PPFIA2: variants seen among roughly 807,000 people sequenced by gnomAD.
The protein encoded by PPFIA2 is PPFI scaffold protein A2, also known as liprin-alpha-2.
A neutral mutation model predicts 175.5 loss-of-function variants in PPFIA2; 46 were observed. The observed-to-expected ratio is 0.26, with a 90% CI of 0.21 to 0.34. PPFIA2 has a LOEUF of 0.34. PPFIA2 is among the 10% of genes least tolerant of loss of function. The pLI is 1.00. For synonymous variants in PPFIA2, 568 were observed against 511.4 expected (o/e 1.11, Z -1.49); for missense variants, 1,179 against 1,506.1 (o/e 0.78, Z 3.60).
intron 4 of PPFIA2, among the ~76,000 whole-genome samples, chr12:81,479,985 A>G (rs1213595126): frequency 6.6e-6 from 1 of 152,262 alleles, no homozygotes; most frequent in East Asian, 1.9e-4. Context: ...TCTCCTGGAT[A>G]GTATCCTGAC....
intron 4 of PPFIA2, among the ~76,000 whole-genome samples, chr12:81,672,722 GA>G (rs1263569339): frequency 1.1e-4 from 16 of 152,082 alleles, no homozygotes; most frequent in Admixed American, 1.0e-3. Flanking sequence ...GGAAGAAACT[GA>G]ATACCTTCAG....
At chr12:81,524,060 C>A (rs567162756) in intron 4 of PPFIA2, among the ~76,000 whole-genome samples, 108 of 152,278 alleles carry the variant, frequency 7.1e-4, no homozygotes, top group Middle Eastern at 3.4e-3. Context: ...CTGCCCCCAG[C>A]AAAGCTGTGG....
intron 4 of PPFIA2, among the ~76,000 whole-genome samples, chr12:81,576,347 C>T (rs528069342): frequency 9.7e-4 from 147 of 151,842 alleles, no homozygotes; most frequent in Middle Eastern, 3.4e-3. Context: ...GCTGCACCAG[C>T]CTCACTTGCA....
In PPFIA2 at chr12:81,633,428, G is replaced by T. The variant is rs141487703; in HGVS notation, c.303+43363C>A. On this transcript the variant is annotated intron_variant, in intron 4 of 32. Coordinates refer to ENST00000549396, the MANE Select transcript of PPFIA2 (RefSeq NM_003625.5). ...CATTGTCCCCACCATTTAGTTGCTGGCAATGTTCTTGAGAGGCAGACATGC... is the reference window on the plus strand; with the variant it reads ...CATTGTCCCCACCATTTAGTTGCTGTCAATGTTCTTGAGAGGCAGACATGC... Among the ~76,000 whole-genome samples the T allele has an allele frequency of 2.6e-4, 40 of 152,058 alleles. 3 individuals carry two copies. The highest frequency in any genetic ancestry group is 9.4e-4 in the African/African-American group (39 of 41,530).
intron 4 of PPFIA2, among the ~76,000 whole-genome samples, chr12:81,477,405 G>A (rs572186077): frequency 6.6e-6 from 1 of 152,212 alleles, no homozygotes; most frequent in East Asian, 1.9e-4. Context: ...TTTACAAAAT[G>A]ATATATTCCA....
chr12:81,677,405 C>T lies in PPFIA2; in HGVS notation c.250-561G>A, dbSNP rs556717085. 2.6e-5 allele frequency among the ~76,000 whole-genome samples: 4 copies of T among 152,022 alleles called. No homozygotes were observed. In the East Asian group the frequency reaches 7.8e-4, roughly 30 times the overall value. ...ATATACAGTAAATTATTGTTAACAA[C>T]AGTCGCCCTATTGTGCTACTGAACA... is the stretch of plus-strand genomic sequence containing the variant. On this transcript the variant is annotated intron_variant, in intron 3 of 32. Transcript: ENST00000549396.
intron 3 of PPFIA2, among the ~76,000 whole-genome samples, chr12:81,679,343 T>C (rs1347582701): frequency 6.6e-6 from 1 of 151,944 alleles, no homozygotes; most frequent in African/African-American, 2.4e-5. Context: ...ATATAAGTTA[T>C]ATTAATGATA....
intron 4 of PPFIA2, chr12:81,535,572 G>C: frequency 2.4e-6 from 1 of 409,406 alleles, no homozygotes; most frequent in Non-Finnish European, 4.9e-6. Context: ...TGTCCTTCTA[G>C]ATACTACCTT....
chr12:81,701,693 C>T (rs993663785), intron 3 of PPFIA2, among the ~76,000 whole-genome samples: 8 of 151,672 alleles, frequency 5.3e-5, no homozygotes, highest in Non-Finnish European at 1.5e-5. Context: ...AGACATAGTG[C>T]TCAATAAATA....
chr12:81,430,198 T>C (rs1383375439), intron 7 of PPFIA2: 2 of 152,102 alleles, frequency 1.3e-5, no homozygotes, highest in Non-Finnish European at 2.9e-5. Flanking sequence ...TGTCCTTCAT[T>C]TGTGGCTTTG....
chr12:81,704,522 T>A (rs991564921), intron 3 of PPFIA2, among the ~76,000 whole-genome samples: 5 of 152,048 alleles, frequency 3.3e-5, no homozygotes, highest in African/African-American at 1.2e-4. Context: ...TGATAGCAAA[T>A]GAAACTTGTC....
At chr12:81,498,785 T>G (rs1408617288) in intron 4 of PPFIA2, among the ~76,000 whole-genome samples, 2 of 151,966 alleles carry the variant, frequency 1.3e-5, no homozygotes, top group African/African-American at 2.4e-5. Flanking sequence ...CCACCATGCT[T>G]GGATAATTTT....
At chr12:81,646,905 A>C (rs909529364) in intron 4 of PPFIA2, among the ~76,000 whole-genome samples, 21 of 151,376 alleles carry the variant, frequency 1.4e-4, no homozygotes, top group African/African-American at 4.4e-4. Context: ...AGGTGGGGGG[A>C]GGGAAGCAGG....
Position 81,471,107 on chromosome 12 carries a change from CTTTATTTATTTATTTATTTA to C in PPFIA2, c.304-13261_304-13242del, listed in dbSNP as rs71098146. The C allele has an allele frequency of 8.1e-3, 1,144 of 140,532 alleles. 15 individuals carry two copies. The highest frequency in any genetic ancestry group is 0.029 in the African/African-American group (1,101 of 37,792). 8.7% of individuals were successfully genotyped at this position (140,532 alleles called of 1,614,324 possible). A position where few individuals can be genotyped will look rare whatever the true frequency, so the allele number is the denominator to read the frequency against. On this transcript the variant is annotated intron_variant, in intron 4 of 32. Coordinates refer to ENST00000549396, the MANE Select transcript of PPFIA2 (RefSeq NM_003625.5). ...TTCATTCTTCATTTTTTTGTCTTTC[CTTTATTTATTTATTTATTTA>C]TTTATTTATTTATTTATTTATTTAT...
intron 3 of PPFIA2, among the ~76,000 whole-genome samples, chr12:81,716,264 C>T (rs2078604512): frequency 6.6e-6 from 1 of 151,578 alleles, no homozygotes; most frequent in Non-Finnish European, 1.5e-5. Context: ...CACTGTATTG[C>T]CTTATTTTCT....
intron 4 of PPFIA2, among the ~76,000 whole-genome samples, chr12:81,581,415 A>C (rs1010325583): frequency 6.6e-6 from 1 of 151,762 alleles, no homozygotes; most frequent in Non-Finnish European, 1.5e-5. Context: ...AGTGCATTCT[A>C]GTACAGAGAT....
chr12:81,406,703 C>T (rs1456173801), intron 7 of PPFIA2, among the ~76,000 whole-genome samples: 1 of 151,588 alleles, frequency 6.6e-6, no homozygotes, highest in African/African-American at 2.4e-5. Context: ...AAATATTTTA[C>T]ATTATATTAA....
intron 22 of PPFIA2, among the ~76,000 whole-genome samples, chr12:81,317,483 A>G (rs2052665328): frequency 6.9e-6 from 1 of 145,510 alleles, no homozygotes. Context: ...CTTGAGCTGG[A>G]AAGAAGAAAA....
chr12:81,423,963 A>G (rs576354216), intron 7 of PPFIA2, among the ~76,000 whole-genome samples: 4 of 152,248 alleles, frequency 2.6e-5, no homozygotes, highest in African/African-American at 9.6e-5. Context: ...ACAATATAAA[A>G]AGGAAATTAA....
Sources: allele counts gnomAD v4.1 joint callset (sites outside exome capture counted in the v4.1 genomes callset), GRCh38; gene constraint gnomAD v4.1.1; transcripts MANE v1.5; gene names NCBI Gene and HGNC (gene_info 2026-07-23, HGNC 2026-07-21).